Variants in PCDHGA4 observed in about 807,000 individuals in gnomAD.
The protein encoded by PCDHGA4 is protocadherin gamma subfamily A, 4.
Under a neutral mutation model 54.6 loss-of-function variants are expected in PCDHGA4, and 38 were observed. That is an observed-to-expected ratio of 0.70 (90% CI 0.54 to 0.91). PCDHGA4 has a LOEUF of 0.91. Among genes scored for constraint, PCDHGA4 ranks in the 40% least tolerant of loss-of-function variants. PCDHGA4 has a pLI of 0.00. For synonymous variants in PCDHGA4, 511 were observed against 512.9 expected, an observed-to-expected ratio of 1.00 and a Z score of 0.05; for missense variants, 1,298 against 1,220.9, an observed-to-expected ratio of 1.06 and a Z score of -0.94.
At chr5:141,475,955 C>G (rs1562050812) in intron 1 of PCDHGA4, 8 of 800,218 alleles carry the variant, frequency 1.0e-5, no homozygotes, top group South Asian at 1.9e-5. Flanking sequence ...TTCTGCGCCC[C>G]GGGATGAGGC....
chr5:141,478,385 T>C (rs919846683), intron 1 of PCDHGA4: 1 of 1,613,628 alleles, frequency 6.2e-7, no homozygotes, highest in Non-Finnish European at 8.5e-7. Context: ...GCCGCACCTT[T>C]ACCATCAGGT....
At chr5:141,427,008 C>G (rs762510673) in intron 1 of PCDHGA4, 145 of 456,786 alleles carry the variant, frequency 3.2e-4, no homozygotes, top group African/African-American at 2.8e-3. Context: ...AGTTTTTAGC[C>G]AGGATGTATA....
chr5:141,376,553 G>T, intron 1 of PCDHGA4: 1 of 1,610,804 alleles, frequency 6.2e-7, no homozygotes, highest in Non-Finnish European at 8.5e-7. Flanking sequence ...TGATCTTCCC[G>T]CAACCCAACT....
chr5:141,461,303 G>T (rs1390421489), intron 1 of PCDHGA4, among the ~76,000 whole-genome samples: 2 of 152,074 alleles, frequency 1.3e-5, no homozygotes, highest in Non-Finnish European at 2.9e-5. Flanking sequence ...AACATCTATT[G>T]TTTTTTGACT....
intron 1 of PCDHGA4, among the ~76,000 whole-genome samples, chr5:141,451,875 T>C (rs747595781): frequency 5.9e-5 from 9 of 151,594 alleles, no homozygotes; most frequent in Non-Finnish European, 1.3e-4. Context: ...AATGAAACCC[T>C]GTCAAGAAAG....
rs1248867280 is a variant in PCDHGA4 at position 141,511,325 on chromosome 5, C to T, written c.*152C>T. 18 of 1,466,406 alleles carry T rather than the reference C, an allele frequency of 1.2e-5. No homozygotes were observed. Among genetic ancestry groups the T allele is most frequent in the Non-Finnish European group, 1.5e-5 (17 of 1,099,872 alleles). 90.8% of individuals were successfully genotyped at this position (1,466,406 alleles called of 1,614,324 possible). A position where few individuals can be genotyped will look rare whatever the true frequency, so the allele number is the denominator to read the frequency against. On this transcript the variant is annotated 3_prime_UTR_variant, in exon 4 of 4. Coordinates refer to ENST00000571252, the MANE Select transcript of PCDHGA4 (RefSeq NM_018917.4). ...TCCCCTTGGGAAACAGAAACAAGTG[C>T]CCAGTCAGCACCTACCCCTTCCCCC...
At chr5:141,379,890 T>TTTTTTTTTTTTTTTTTTTTTTG (rs1776022019) in intron 1 of PCDHGA4, among the ~76,000 whole-genome samples, 1 of 25,360 alleles carries the variant, frequency 3.9e-5, no homozygotes, top group Non-Finnish European at 6.4e-5. Context: ...TGAAAGCCTC[T>TTTTTTTTTTTTTTTTTTTTTTG]TTTTTTTTTT....
chr5:141,417,954 C>G, intron 1 of PCDHGA4: 2 of 1,613,600 alleles, frequency 1.2e-6, no homozygotes, highest in South Asian at 1.1e-5. Flanking sequence ...CTGTGTGAGC[C>G]GATCCGCTAC....
rs767547572 is a variant in PCDHGA4 at position 141,505,495 on chromosome 5, G to C, written c.2662+14G>C. On this transcript the variant is annotated intron_variant, in intron 3 of 3. Coordinates refer to ENST00000571252, the MANE Select transcript of PCDHGA4 (RefSeq NM_018917.4). The stretch of plus-strand genomic sequence containing the variant: ...CGTCCGCCAGTGGTAAGTGGTGTCA[G>C]TGTGTGTATGGAAGAGTGGGAGACC... 5 of 1,614,210 alleles carry C rather than the reference G, an allele frequency of 3.1e-6. No individual in the cohort carries two copies. Among genetic ancestry groups the C allele is most frequent in the Non-Finnish European group, 4.2e-6 (5 of 1,180,000 alleles).
intron 1 of PCDHGA4, chr5:141,492,027 A>T (rs1157170828): frequency 8.8e-6 from 5 of 565,466 alleles, no homozygotes; most frequent in African/African-American, 7.7e-5. Flanking sequence ...GGGTCCCGGG[A>T]GGAGGCAGTC....
Position 141,512,559 on chromosome 5 carries a change from C to T in PCDHGA4, c.*1386C>T, listed in dbSNP as rs1396321304. The T allele has an allele frequency of 6.5e-6, 1 of 152,904 alleles. No individual in the cohort carries two copies. The highest frequency in any genetic ancestry group is 1.5e-5 in the Non-Finnish European group (1 of 68,438). The allele number at this position is 152,904 out of a possible 1,614,324, so 9.5% of individuals were successfully genotyped here. ...CCCCAGTGCCTCCTTGTGCATAGAC[C>T]TTCTTCTCCCACCCCCTTCTGCCCC... On this transcript the variant is annotated 3_prime_UTR_variant, in exon 4 of 4. Coordinates refer to ENST00000571252, the MANE Select transcript of PCDHGA4 (RefSeq NM_018917.4).
chr5:141,381,194 A>G (rs1490314402), intron 1 of PCDHGA4, among the ~76,000 whole-genome samples: 2 of 152,234 alleles, frequency 1.3e-5, no homozygotes, highest in African/African-American at 4.8e-5. Context: ...AAGCTTTCTT[A>G]GTGTTAGTTC....
intron 1 of PCDHGA4, chr5:141,379,313 A>C (rs1053297201): frequency 4.6e-5 from 7 of 152,264 alleles, no homozygotes; most frequent in African/African-American, 1.7e-4. Flanking sequence ...CCTAAACAAG[A>C]GATCTAATCA....
At chr5:141,376,670 G>A in intron 1 of PCDHGA4, 1 of 694,802 alleles carries the variant, frequency 1.4e-6, no homozygotes, top group Non-Finnish European at 2.2e-6. Context: ...TTCAGGTGAG[G>A]GTATCGTTTT....
At chr5:141,422,464 A>G (rs1303001624) in intron 1 of PCDHGA4, 1 of 1,613,502 alleles carries the variant, frequency 6.2e-7, no homozygotes, top group Admixed American at 1.7e-5. Context: ...AGTGCTGGAC[A>G]GGGAGTTGGT....
Position 141,374,021 on chromosome 5 carries a change from C to G in PCDHGA4, c.2514+16400C>G. 3 of 1,406,168 alleles carry G rather than the reference C, an allele frequency of 2.1e-6. No homozygotes were observed. In the South Asian group the frequency reaches 5.2e-5, roughly 24 times the overall value. The allele number at this position is 1,406,168 out of a possible 1,614,324, so 87.1% of individuals were successfully genotyped here. The stretch of plus-strand genomic sequence containing the variant: ...CCTTCACCGCTATTTCTGAGAAGAG[C>G]AAAAGTGATGCAGATCTGTTCTTCC... On this transcript the variant is annotated intron_variant, in intron 1 of 3. Transcript: ENST00000571252.
chr5:141,409,345 A>T lies in PCDHGA4; in HGVS notation c.2514+51724A>T, dbSNP rs1012428329. 4 of 1,613,902 alleles carry T rather than the reference A, an allele frequency of 2.5e-6. No individual in the cohort carries two copies. In the African/African-American group the frequency reaches 5.3e-5, roughly 22 times the overall value. ...ATCTGGATTTCGGAGGAAATGGAGAAGTCAGGTGTAATATAGAAACAGACA... is the reference window on the plus strand; with the variant it reads ...ATCTGGATTTCGGAGGAAATGGAGATGTCAGGTGTAATATAGAAACAGACA... On this transcript the variant is annotated intron_variant, in intron 1 of 3. Transcript: ENST00000571252.
At chr5:141,366,368 A>G (rs1198628601) in intron 1 of PCDHGA4, 3 of 1,613,858 alleles carry the variant, frequency 1.9e-6, no homozygotes, top group South Asian at 2.2e-5. Context: ...CAGTATCAAG[A>G]CCCCCATTGA....
chr5:141,390,358 G>A lies in PCDHGA4; in HGVS notation c.2514+32737G>A, dbSNP rs934109377. ...TATTCACAAGAAAATATACATATTT[G>A]CAGGAAAATATATAATTTTTAGATG... is the stretch of plus-strand genomic sequence containing the variant. On this transcript the variant is annotated intron_variant, in intron 1 of 3. Coordinates refer to ENST00000571252, the MANE Select transcript of PCDHGA4 (RefSeq NM_018917.4). The A allele has an allele frequency of 3.9e-6, 6 of 1,540,796 alleles. No homozygotes were observed. In the African/African-American group the frequency reaches 8.3e-5, roughly 21 times the overall value.
Sources: gnomAD v4.1 joint callset for allele counts (sites outside exome capture counted in the v4.1 genomes callset) on GRCh38, gnomAD v4.1.1 for gene constraint, MANE v1.5 for transcripts, NCBI Gene and HGNC (gene_info 2026-07-23, HGNC 2026-07-21) for gene names.